ACTR8: variants seen among roughly 807,000 people sequenced by gnomAD.
The protein encoded by ACTR8 is actin-related protein 8.
A neutral mutation model predicts 84.3 loss-of-function variants in ACTR8; 70 were observed. The ratio of observed to expected loss-of-function variants is 0.83; its 90% CI spans 0.68 to 1.01. The LOEUF (loss-of-function observed/expected upper bound fraction) is 1.01, where lower values mean the gene tolerates loss of function less well. ACTR8 is among the 50% of genes least tolerant of loss of function. ACTR8 has a pLI of 0.00. For synonymous variants in ACTR8, 268 were observed against 275.2 expected, an observed-to-expected ratio of 0.97 and a Z score of 0.26; for missense variants, 672 against 775.4, an observed-to-expected ratio of 0.87 and a Z score of 1.58.
intron 2 of ACTR8, among the ~76,000 whole-genome samples, chr3:53,879,490 T>C (rs1700027495): frequency 7.0e-6 from 1 of 143,174 alleles, no homozygotes; most frequent in Admixed American, 7.4e-5. Context: ...AAGAAAATTT[T>C]TTTTTTGCCT....
chr3:53,882,085 T>C lies in ACTR8; in HGVS notation c.17A>G (p.Lys6Arg). The C allele has an allele frequency of 6.4e-7, 1 of 1,551,604 alleles. No homozygotes were observed. Among genetic ancestry groups the C allele is most frequent in the Non-Finnish European group, 8.7e-7 (1 of 1,146,846 alleles). Reference sequence around the variant, plus strand: ...CTCCTTTCCGTTCTCCGTATCACCCTTCTCAGCCTGGGTCATTATGGCCGG... The same window carrying C: ...CTCCTTTCCGTTCTCCGTATCACCCCTCTCAGCCTGGGTCATTATGGCCGG... MTQAE[K>R]GDTENGKEKG... Residue 6 changes from lysine to arginine, a missense_variant, in exon 1 of 13, where the codon AAG (lysine) becomes AGG (arginine). Lys to Arg is a conservative substitution (Grantham distance 26). Coordinates refer to ENST00000335754, the MANE Select transcript of ACTR8 (RefSeq NM_022899.5).
At chr3:53,865,043 C>A (rs760943596), downstream of ACTR8, 2 of 1,614,146 alleles carry the variant, frequency 1.2e-6, no homozygotes, top group Non-Finnish European at 1.7e-6. Flanking sequence ...GAGGGCAGTC[C>A]CAGTGAGAAC....
chr3:53,879,971 T>C lies in ACTR8; in HGVS notation c.262A>G (p.Lys88Glu), dbSNP rs1163802354. The change falls in exon 2 of 13, where the codon AAG (lysine) becomes GAG (glutamate). Residue 88 changes from lysine to glutamate, a missense_variant. Coordinates refer to ENST00000335754, the MANE Select transcript of ACTR8 (RefSeq NM_022899.5). ...CCCTCCCTTAGGAGCCAACTGTCCT[T>C]GTATAGGGGCTGCCCTTGTTGTTTG... ...RHKQQGQPLY[K>E]DSWLLREGLN... 1.9e-6 allele frequency: 3 copies of C among 1,613,962 alleles called. No individual in the cohort carries two copies. Among genetic ancestry groups the C allele is most frequent in the African/African-American group, 1.3e-5 (1 of 75,044 alleles).
Position 53,868,623 on chromosome 3 carries a change from C to A in ACTR8, c.*96G>T. The A allele has an allele frequency of 6.6e-7, 1 of 1,506,132 alleles. No homozygotes were observed. The highest frequency in any genetic ancestry group is 2.2e-5 in the Admixed American group (1 of 46,284). The allele number at this position is 1,506,132 out of a possible 1,614,324, so 93.3% of individuals were successfully genotyped here. A position where few individuals can be genotyped will look rare whatever the true frequency, so the allele number is the denominator to read the frequency against. On this transcript the variant is annotated 3_prime_UTR_variant, in exon 13 of 13. Transcript: ENST00000335754. ...TCATTTACTGTCCATGACACTTAAG[C>A]ATCCAGATCAATAAATTACAATACA...
At position 53,868,541 on chromosome 3, in the gene ACTR8, C is replaced by T. The variant is rs541015051; in HGVS notation, c.*178G>A. The T allele has an allele frequency of 2.2e-5, 21 of 959,018 alleles. No homozygotes were observed. In the African/African-American group the frequency reaches 2.9e-4, roughly 13 times the overall value. 59.4% of individuals were successfully genotyped at this position (959,018 alleles called of 1,614,324 possible). ...ATTCTCAAATGCCCTGACTAAACTG[C>T]TCAAAAGCAGTTTATATTTTCAAAC... is the stretch of plus-strand genomic sequence containing the variant. On this transcript the variant is annotated 3_prime_UTR_variant, in exon 13 of 13. Coordinates refer to ENST00000335754, the MANE Select transcript of ACTR8 (RefSeq NM_022899.5).
At chr3:53,871,083 T>C (rs1699876262) in intron 11 of ACTR8, 149 bp downstream of exon 11, 2 of 1,109,544 alleles carry the variant, frequency 1.8e-6, no homozygotes, top group Non-Finnish European at 2.5e-6. Flanking sequence ...GTTAATGTAT[T>C]CCCAACACCT....
downstream of ACTR8, among the ~76,000 whole-genome samples, chr3:53,866,231 A>G (rs1371043112): frequency 6.6e-6 from 1 of 152,188 alleles, no homozygotes; most frequent in East Asian, 1.9e-4. Context: ...AAAGATTTAA[A>G]AAATTAGCTG....
intron 1 of ACTR8, 78 bp from the exon 2 acceptor site, chr3:53,880,187 G>A (rs896835954): frequency 7.1e-7 from 1 of 1,403,802 alleles, no homozygotes; most frequent in African/African-American, 1.4e-5. Flanking sequence ...CACATAACAA[G>A]CTAAACTAAG....
At position 53,877,338 on chromosome 3, in the gene ACTR8, C is replaced by T. The variant is rs764544512; in HGVS notation, c.560G>A (p.Arg187Lys). ...LDCYNIHWPI[R>K]RGQLNIHPGP... ...TGGGTGAATATTTAACTGACCTCTT[C>T]TGATAGGCCAGTGAATATTGTAACA... is the stretch of plus-strand genomic sequence containing the variant. The change falls in exon 5 of 13, where the codon AGA (arginine) becomes AAA (lysine). Residue 187 changes from arginine (R) to lysine (K), a missense_variant. Transcript: ENST00000335754. 2.5e-6 allele frequency: 4 copies of T among 1,613,936 alleles called. No homozygotes were observed. In the East Asian group the frequency reaches 8.9e-5, roughly 36 times the overall value.
rs948078806 is a variant in ACTR8 at position 53,870,499 on chromosome 3, A to G, written c.1568-354T>C. Among the ~76,000 whole-genome samples the G allele has an allele frequency of 6.6e-6, 1 of 152,080 alleles. No homozygotes were observed. Among genetic ancestry groups the G allele is most frequent in the Non-Finnish European group, 1.5e-5 (1 of 68,022 alleles). On this transcript the variant is annotated intron_variant, in intron 11 of 12. Transcript: ENST00000335754. This position sits in a 1 kb window ranked among gnomAD's most constrained non-coding sequence, Gnocchi z 4.1. Reference sequence around the variant, plus strand: ...AACCCTGTCTCTACTAAAAATACAAAAAGTAGCCGGGCATGGTAGCGTGCG... The same window carrying G: ...AACCCTGTCTCTACTAAAAATACAAGAAGTAGCCGGGCATGGTAGCGTGCG...
chr3:53,878,728 G>A (rs1700013374), intron 2 of ACTR8, among the ~76,000 whole-genome samples: 1 of 152,184 alleles, frequency 6.6e-6, no homozygotes, highest in South Asian at 2.1e-4. Context: ...GGAGACTAAG[G>A]TGGAAAGATT....
chr3:53,877,879 T>C lies in ACTR8; in HGVS notation c.406-128A>G, dbSNP rs1396066573. ...TTTTAATCACAAATATTTGGCAAAATATTGACTGGCTGCAAAAGGATTCTC... is the reference window on the plus strand; with the variant it reads ...TTTTAATCACAAATATTTGGCAAAACATTGACTGGCTGCAAAAGGATTCTC... On this transcript the variant is annotated intron_variant, in intron 3 of 12. Transcript: ENST00000335754. 4.2e-6 allele frequency: 3 copies of C among 708,938 alleles called. No individual in the cohort carries two copies. The African/African-American group carries it at 5.4e-5, about 13-fold the overall frequency. 43.9% of individuals were successfully genotyped at this position (708,938 alleles called of 1,614,324 possible). A position where few individuals can be genotyped will look rare whatever the true frequency, so the allele number is the denominator to read the frequency against.
rs142288828 is a variant in ACTR8, at chr3:53,870,693, C to T, written c.1567+539G>A. Reference sequence around the variant, plus strand: ...TTAAAGGGACCCACAAGATCCACTACGGGTGGTCGTCCCCTGCTTCTCTAG... The same window carrying T: ...TTAAAGGGACCCACAAGATCCACTATGGGTGGTCGTCCCCTGCTTCTCTAG... On this transcript the variant is annotated intron_variant, in intron 11 of 12. Coordinates refer to ENST00000335754, the MANE Select transcript of ACTR8 (RefSeq NM_022899.5). This position sits in a 1 kb window ranked among gnomAD's most constrained non-coding sequence, Gnocchi z 4.1. Among the ~76,000 whole-genome samples the T allele has an allele frequency of 3.0e-3, 462 of 152,216 alleles. No homozygotes were observed. The highest frequency in any genetic ancestry group is 0.01 in the Middle Eastern group (3 of 294).
intron 8 of ACTR8, 54 bp downstream of exon 8, chr3:53,874,156 CT>C (rs1699932298): frequency 6.5e-7 from 1 of 1,547,918 alleles, no homozygotes; most frequent in African/African-American, 1.4e-5. Context: ...TCTTTTAAAT[CT>C]CTTAAATTTT....
intron 8 of ACTR8, among the ~76,000 whole-genome samples, chr3:53,873,619 C>T (rs1270523957): frequency 1.3e-5 from 2 of 152,094 alleles, no homozygotes; most frequent in African/African-American, 4.8e-5. Flanking sequence ...CTTCCTTACA[C>T]CTAAAGGTTT....
intron 8 of ACTR8, 45 bp downstream of exon 8, chr3:53,874,166 T>C (rs748181464): frequency 2.2e-5 from 35 of 1,575,760 alleles, no homozygotes; most frequent in Non-Finnish European, 3.0e-5. Context: ...CTCTTAAATT[T>C]TTCCTAGAAA....
chr3:53,872,320 A>G, intron 10 of ACTR8, 64 bp downstream of exon 10: 1 of 1,485,382 alleles, frequency 6.7e-7, no homozygotes, highest in East Asian at 2.4e-5. Flanking sequence ...TGGCCTATTA[A>G]CTCTGGACAA....
chr3:53,877,883 G>T, intron 3 of ACTR8, 132 bp from the exon 4 acceptor site: 1 of 682,724 alleles, frequency 1.5e-6, no homozygotes, highest in Non-Finnish European at 2.5e-6. Flanking sequence ...GCAAAATATT[G>T]ACTGGCTGCA....
rs921270859 is a variant in ACTR8, at chr3:53,868,411, T to A, written c.*308A>T. ...ATTCAAGCCAACTTAAATGAAGGGC[T>A]TCACCACATGAGAACCTTCAATAGC... On this transcript the variant is annotated 3_prime_UTR_variant, in exon 13 of 13. Coordinates refer to ENST00000335754, the MANE Select transcript of ACTR8 (RefSeq NM_022899.5). 3 of 268,562 alleles carry A rather than the reference T, an allele frequency of 1.1e-5. No individual in the cohort carries two copies. The highest frequency in any genetic ancestry group is 2.1e-5 in the Non-Finnish European group (3 of 143,044). The allele number at this position is 268,562 out of a possible 1,614,324, so 16.6% of individuals were successfully genotyped here.
Sources: allele counts gnomAD v4.1 joint callset (sites outside exome capture counted in the v4.1 genomes callset), GRCh38; gene constraint gnomAD v4.1.1; non-coding constraint Gnocchi (gnomAD v3.1); transcripts MANE v1.5; gene names NCBI Gene and HGNC (gene_info 2026-07-23, HGNC 2026-07-21).